Variants in LRRC41 observed in about 807,000 individuals in gnomAD.
The protein encoded by LRRC41 is leucine-rich repeat-containing protein 41.
Under a neutral mutation model 72.1 loss-of-function variants are expected in LRRC41, and 17 were observed. The observed-to-expected ratio is 0.24, with a 90% CI of 0.16 to 0.35. The LOEUF is 0.35. Ranked by LOEUF, LRRC41 falls within the 10% of genes least tolerant of loss-of-function variation. The probability of loss-of-function intolerance (pLI) is 1.00; values close to 1 mark genes in which losing one functional copy is unlikely to be tolerated. For synonymous variants in LRRC41, 427 were observed against 431.0 expected (o/e 0.99, Z 0.11); for missense variants, 759 against 1,065.0 (o/e 0.71, Z 4.00).
Position 46,285,308 on chromosome 1 carries a change from A to G in LRRC41, c.1495+54T>C. 6.3e-7 allele frequency: 1 copy of G among 1,585,016 alleles called. No homozygotes were observed. Among genetic ancestry groups the G allele is most frequent in the Non-Finnish European group, 8.6e-7 (1 of 1,162,606 alleles). ...CCCACCTCCCTAGAATTAGGCACAC[A>G]GCTGGTGCTGCTAGGCAATCTAAGC... is the stretch of plus-strand genomic sequence containing the variant. On this transcript the variant is annotated intron_variant, in intron 4 of 9. Transcript: ENST00000617190. The surrounding 1 kb of genome is among the most constrained non-coding windows in gnomAD (Gnocchi z 5.3).
Position 46,278,035 on chromosome 1 carries a change from G to C in LRRC41, c.*830C>G. 6.2e-7 allele frequency: 1 copy of C among 1,614,096 alleles called. No homozygotes were observed. The highest frequency in any genetic ancestry group is 8.5e-7 in the Non-Finnish European group (1 of 1,179,956). On this transcript the variant is annotated 3_prime_UTR_variant, in exon 10 of 10. Transcript: ENST00000617190. ...AGCTACCCACACAGTAGGGAGATGG[G>C]ATCTGTAGTGACTTCAGCTGTGCCT...
intron 3 of LRRC41, among the ~76,000 whole-genome samples, chr1:46,296,286 G>A (rs1336993762): frequency 2.0e-5 from 3 of 152,130 alleles, no homozygotes; most frequent in East Asian, 1.9e-4. Context: ...GTGTGGTGGC[G>A]CATGCCTGTA....
Position 46,280,436 on chromosome 1 carries a change from G to A in LRRC41, c.1881C>T (p.Ala627=). ...AAACAAGCCCAAAATCCTGGGGAGA[G>A]GCAAAGGTGGCACTATCCAGGGACA... ...QQLSLDSATF[A]SPQDFGLVLQ... is the part of the protein sequence containing the mutation. Residue 627 remains alanine (A), a synonymous_variant, in exon 6 of 10, where the codon GCC becomes GCT. Transcript: ENST00000617190. The A allele has an allele frequency of 6.2e-7, 1 of 1,614,224 alleles. No individual in the cohort carries two copies.
At position 46,279,032 on chromosome 1, in the gene LRRC41, G is replaced by A. The variant is rs139193605; in HGVS notation, c.2272C>T (p.Arg758Cys). ...TGACCAAAGGCTCCACGGCCCCAGC[G>A]CTCCAGCCGCTTGGCGAACTCCAGA... is the stretch of plus-strand genomic sequence containing the variant. The part of the protein sequence containing the change: ...GLLEFAKRLE[R>C]WGRGAFGHLR... Residue 758 changes from arginine (R) to cysteine (C), a missense_variant, in exon 10 of 10, where the codon CGC (arginine) becomes TGC (cysteine). Arg to Cys is a radical substitution (Grantham distance 180). Around this residue, in one of 4 missense-constraint regions of LRRC41, gnomAD observed 110 missense variants for 227.0 expected, o/e 0.48. Transcript: ENST00000617190. This position sits in a 1 kb window ranked among gnomAD's most constrained non-coding sequence, Gnocchi z 4.5. 3 of 1,611,490 alleles carry A rather than the reference G, an allele frequency of 1.9e-6. No homozygotes were observed. The highest frequency in any genetic ancestry group is 1.3e-5 in the African/African-American group (1 of 74,854).
chr1:46,285,461 C>G lies in LRRC41; in HGVS notation c.1396G>C (p.Glu466Gln). Residue 466 changes from glutamate (E) to glutamine (Q), a missense_variant, in exon 4 of 10, where the codon GAG becomes CAG. Around this residue, in one of 4 missense-constraint regions of LRRC41, gnomAD observed 427 missense variants for 520.9 expected, o/e 0.82. Coordinates refer to ENST00000617190, the MANE Select transcript of LRRC41 (RefSeq NM_006369.5). This position sits in a 1 kb window ranked among gnomAD's most constrained non-coding sequence, Gnocchi z 5.3. Reference sequence around the variant, plus strand: ...GTGGAGAGTGGAACTGTGAATAGCTCCAAGGTGGAGATGCTGCGGAATCTT... The same window carrying G: ...GTGGAGAGTGGAACTGTGAATAGCTGCAAGGTGGAGATGCTGCGGAATCTT... ...SQRFRSISTL[E>Q]LFTVPLSTEA... 6.2e-7 allele frequency: 1 copy of G among 1,614,130 alleles called. No individual in the cohort carries two copies. Among genetic ancestry groups the G allele is most frequent in the Non-Finnish European group, 8.5e-7 (1 of 1,180,024 alleles).
intron 3 of LRRC41, among the ~76,000 whole-genome samples, chr1:46,290,092 T>C (rs2148319949): frequency 6.6e-6 from 1 of 152,340 alleles, no homozygotes; most frequent in Non-Finnish European, 1.5e-5. Context: ...CCAGAAATAC[T>C]GTGTGTGGAT....
chr1:46,294,338 G>A (rs1224907422), intron 3 of LRRC41, among the ~76,000 whole-genome samples: 2 of 151,150 alleles, frequency 1.3e-5, no homozygotes, highest in Non-Finnish European at 2.9e-5. Context: ...AAACTCGTAA[G>A]CTCAAGCAAT....
Position 46,285,970 on chromosome 1 carries a change from C to T in LRRC41, c.887G>A (p.Arg296Gln), listed in dbSNP as rs746748167. ...GCTGGCCATCAGGGCTGCAGCACAT[C>T]GCTCAGCAGCATCCCGGCGGGGCCG... ...SRRPRRDAAERCAAALMASRR... is the reference protein window; with the variant it reads ...SRRPRRDAAEQCAAALMASRR... Residue 296 changes from arginine to glutamine, a missense_variant, in exon 4 of 10, where the codon CGA becomes CAA. Physicochemically the swap from Arg to Gln is conservative, Grantham distance 43. This residue lies in a region of LRRC41 where 427 missense variants were observed against 520.9 expected (regional missense o/e 0.82). Coordinates refer to ENST00000617190, the MANE Select transcript of LRRC41 (RefSeq NM_006369.5). The surrounding 1 kb of genome is among the most constrained non-coding windows in gnomAD (Gnocchi z 5.3). 9.7e-6 allele frequency: 15 copies of T among 1,539,718 alleles called. No homozygotes were observed. Among genetic ancestry groups the T allele is most frequent in the Middle Eastern group, 1.8e-4 (1 of 5,680 alleles).
chr1:46,298,626 G>C (rs1057263847), intron 1 of LRRC41: 1 of 357,728 alleles, frequency 2.8e-6, no homozygotes, highest in East Asian at 5.3e-5. Flanking sequence ...AAATGAGCTT[G>C]ACATGCTTAT....
At chr1:46,284,050 G>C (rs550059541) in intron 4 of LRRC41, 1 of 152,314 alleles carries the variant, frequency 6.6e-6, no homozygotes, top group South Asian at 2.1e-4. Flanking sequence ...GTATACATTG[G>C]ATCTAGTAAC....
rs1273900941 is a variant in LRRC41, at chr1:46,302,048, C to T, written c.199+1076G>A. ...TCGTCAGCGGCCAGGCCGCGGCCAG[C>T]GGTCCCCAACCCACAGCCCCGCCTC... On this transcript the variant is annotated intron_variant, in intron 1 of 9. Coordinates refer to ENST00000617190, the MANE Select transcript of LRRC41 (RefSeq NM_006369.5). The surrounding 1 kb of genome is among the most constrained non-coding windows in gnomAD (Gnocchi z 4.7). 2 of 985,222 alleles carry T rather than the reference C, an allele frequency of 2.0e-6. No homozygotes were observed. The highest frequency in any genetic ancestry group is 2.4e-6 in the Non-Finnish European group (2 of 829,878). The allele number at this position is 985,222 out of a possible 1,614,324, so 61.0% of individuals were successfully genotyped here.
rs1275606756 is a variant in LRRC41 at position 46,277,885 on chromosome 1, G to T, written c.*980C>A. 5 of 1,613,922 alleles carry T rather than the reference G, an allele frequency of 3.1e-6. No individual in the cohort carries two copies. In the Admixed American group the frequency reaches 5.0e-5, roughly 16 times the overall value. On this transcript the variant is annotated 3_prime_UTR_variant, in exon 10 of 10. Transcript: ENST00000617190. The stretch of plus-strand genomic sequence containing the variant: ...AGAAGGCACTGAGCAGCTGTGTGGT[G>T]GATGAGGAGCAGGATGTAGAGCGCC...
At chr1:46,281,674 A>G (rs1660778454) in intron 4 of LRRC41, among the ~76,000 whole-genome samples, 1 of 152,258 alleles carries the variant, frequency 6.6e-6, no homozygotes, top group Admixed American at 6.5e-5. Context: ...TACTAGCTGA[A>G]TGACAGGCAC....
chr1:46,282,336 T>C (rs1183054103), intron 4 of LRRC41, among the ~76,000 whole-genome samples: 2 of 152,230 alleles, frequency 1.3e-5, no homozygotes, highest in African/African-American at 2.4e-5. Context: ...TCCCACAGCA[T>C]GGACTAGGAT....
Position 46,285,825 on chromosome 1 carries a change from G to A in LRRC41, c.1032C>T (p.Pro344=), listed in dbSNP as rs143173949. The part of the protein sequence containing the change: ...GGTDLKRELH[P]PATSHEAPGT... ...CAGGAGCCTCATGGGAGGTGGCTGG[G>A]GGGTGCAGCTCCCTCTTAAGGTCTG... is the stretch of plus-strand genomic sequence containing the variant. The change falls in exon 4 of 10, where the codon CCC becomes CCT. Residue 344 remains proline, a synonymous_variant. Coordinates refer to ENST00000617190, the MANE Select transcript of LRRC41 (RefSeq NM_006369.5). The surrounding 1 kb of genome is among the most constrained non-coding windows in gnomAD (Gnocchi z 5.3). 53 of 1,595,066 alleles carry A rather than the reference G, an allele frequency of 3.3e-5. No individual in the cohort carries two copies. The African/African-American group carries it at 5.8e-4, about 17-fold the overall frequency.
rs754359273 is a variant in LRRC41, at chr1:46,281,326, C to T, written c.1555G>A (p.Gly519Arg). The T allele has an allele frequency of 2.5e-6, 4 of 1,614,082 alleles. No homozygotes were observed. Among genetic ancestry groups the T allele is most frequent in the Non-Finnish European group, 2.5e-6 (3 of 1,180,034 alleles). The stretch of plus-strand genomic sequence containing the variant: ...AGATGCAGGGCACGGAGGCGACATC[C>T]AGCCTGGCCTGACAGGGCCCGCAGG... ...DSLRALSGQA[G>R]CRLRALHLSD... The change falls in exon 5 of 10, where the codon GGA becomes AGA. Residue 519 changes from glycine to arginine, a missense_variant. Coordinates refer to ENST00000617190, the MANE Select transcript of LRRC41 (RefSeq NM_006369.5).
chr1:46,302,388 C>T lies in LRRC41; in HGVS notation c.199+736G>A. 1 of 985,332 alleles carries T rather than the reference C, an allele frequency of 1.0e-6. No homozygotes were observed. The highest frequency in any genetic ancestry group is 4.7e-5 in the South Asian group (1 of 21,290). 61.0% of individuals were successfully genotyped at this position (985,332 alleles called of 1,614,324 possible). On this transcript the variant is annotated intron_variant, in intron 1 of 9. Coordinates refer to ENST00000617190, the MANE Select transcript of LRRC41 (RefSeq NM_006369.5). The surrounding 1 kb of genome is among the most constrained non-coding windows in gnomAD (Gnocchi z 4.7). ...CTCCGGTCCCTCCTCGCCGCTCGAG[C>T]CGATCCGAGTGGCCTCCGGCGCTCC...
intron 5 of LRRC41, among the ~76,000 whole-genome samples, chr1:46,280,854 A>T (rs1660758816): frequency 6.6e-6 from 1 of 152,238 alleles, no homozygotes; most frequent in Non-Finnish European, 1.5e-5. Context: ...GGGAACATAC[A>T]GCAGGGGAAC....
rs1660857606 is a variant in LRRC41, at chr1:46,285,100, A to G, written c.1495+262T>C. The G allele has an allele frequency of 3.8e-6, 2 of 521,374 alleles. No individual in the cohort carries two copies. The highest frequency in any genetic ancestry group is 7.0e-6 in the Non-Finnish European group (2 of 286,272). The allele number at this position is 521,374 out of a possible 1,614,324, so 32.3% of individuals were successfully genotyped here. A position where few individuals can be genotyped will look rare whatever the true frequency, so the allele number is the denominator to read the frequency against. On this transcript the variant is annotated intron_variant, in intron 4 of 9. Coordinates refer to ENST00000617190, the MANE Select transcript of LRRC41 (RefSeq NM_006369.5). This position sits in a 1 kb window ranked among gnomAD's most constrained non-coding sequence, Gnocchi z 5.3. Reference sequence around the variant, plus strand: ...GCCCTTGGACTGCCTTCCATATCTAAAATGTATTCATTCTTCAGATTCCAG... The same window carrying G: ...GCCCTTGGACTGCCTTCCATATCTAGAATGTATTCATTCTTCAGATTCCAG...
Sources: gnomAD v4.1 joint callset for allele counts (sites outside exome capture counted in the v4.1 genomes callset) on GRCh38, gnomAD v4.1.1 for gene constraint, gnomAD v4.1.1 regional missense constraint, Gnocchi (gnomAD v3.1) non-coding constraint, MANE v1.5 for transcripts, NCBI Gene and HGNC (gene_info 2026-07-23, HGNC 2026-07-21) for gene names.